Variants in GALNT18 observed in about 807,000 individuals in gnomAD.
GALNT18 encodes the protein polypeptide N-acetylgalactosaminyltransferase 18, also known as GalNAc-transferase 18.
In GALNT18, 44 loss-of-function variants were observed where a neutral mutation model predicts 69.5. That is an observed-to-expected ratio of 0.63 (90% CI 0.50 to 0.81). The LOEUF (loss-of-function observed/expected upper bound fraction) is 0.81, where lower values mean the gene tolerates loss of function less well. GALNT18 is among the 40% of genes least tolerant of loss of function. GALNT18 has a pLI of 0.00. For missense variants in GALNT18, 715 were observed against 810.0 expected (o/e 0.88, Z 1.42); for synonymous variants, 364 against 318.2 (o/e 1.14, Z -1.53).
chr11:11,308,408 G>A (rs1315587550), intron 9 of GALNT18, among the ~76,000 whole-genome samples: 1 of 152,032 alleles, frequency 6.6e-6, no homozygotes, highest in African/African-American at 2.4e-5. Flanking sequence ...CCCCTGATAT[G>A]CTCTGTGCTT....
chr11:11,558,561 T>G (rs1232265226), intron 1 of GALNT18, among the ~76,000 whole-genome samples: 4 of 152,236 alleles, frequency 2.6e-5, no homozygotes, highest in African/African-American at 9.6e-5. Context: ...GCTTCATGCT[T>G]GGAGTCAGGC....
rs567244142 is a variant in GALNT18, at chr11:11,356,857, C to T, written c.1092+15658G>A. The stretch of plus-strand genomic sequence containing the variant: ...TATGTACTTTTTAAATTGCTTTGTT[C>T]TGTAGGGATTAATTTTGCACTTATC... On this transcript the variant is annotated intron_variant, in intron 6 of 10. Coordinates refer to ENST00000227756, the MANE Select transcript of GALNT18 (RefSeq NM_198516.3). The surrounding 1 kb of genome is among the most constrained non-coding windows in gnomAD (Gnocchi z 4.4). Among the ~76,000 whole-genome samples, 2 of 152,268 alleles carry T rather than the reference C, an allele frequency of 1.3e-5. No homozygotes were observed. Among genetic ancestry groups the T allele is most frequent in the East Asian group, 3.9e-4 (2 of 5,178 alleles).
At position 11,301,741 on chromosome 11, in the gene GALNT18, A is replaced by G. The variant is rs141013723; in HGVS notation, c.1513-8548T>C. ...TGAGGAGTCGATCCCATTCAATTCA[A>G]CAAACACCCTCTTTGCCTCTCGGGT... is the stretch of plus-strand genomic sequence containing the variant. On this transcript the variant is annotated intron_variant, in intron 9 of 10. Transcript: ENST00000227756. Among the ~76,000 whole-genome samples the G allele has an allele frequency of 2.0e-5, 3 of 152,288 alleles. No individual in the cohort carries two copies. The East Asian group carries it at 5.8e-4, about 29-fold the overall frequency.
intron 9 of GALNT18, among the ~76,000 whole-genome samples, chr11:11,305,002 T>C (rs1406438674): frequency 6.6e-6 from 1 of 152,118 alleles, no homozygotes; most frequent in Non-Finnish European, 1.5e-5. Context: ...AGATGACTGA[T>C]AAAGAAACCG....
chr11:11,395,282 T>C (rs1418559659), intron 3 of GALNT18, among the ~76,000 whole-genome samples: 1 of 152,176 alleles, frequency 6.6e-6, no homozygotes, highest in South Asian at 2.1e-4. Flanking sequence ...GGTAATGAAG[T>C]GATCGTGTCC....
chr11:11,400,637 C>T (rs1854440596), intron 3 of GALNT18, among the ~76,000 whole-genome samples: 1 of 152,158 alleles, frequency 6.6e-6, no homozygotes, highest in Admixed American at 6.5e-5. Flanking sequence ...CTTCCTGGCT[C>T]ATCAACCACT....
Position 11,598,296 on chromosome 11 carries a change from A to C in GALNT18, c.235+23063T>G, listed in dbSNP as rs1859550211. 6.6e-6 allele frequency among the ~76,000 whole-genome samples: 1 copy of C among 152,232 alleles called. No homozygotes were observed. The highest frequency in any genetic ancestry group is 2.4e-5 in the African/African-American group (1 of 41,462). On this transcript the variant is annotated intron_variant, in intron 1 of 10. Transcript: ENST00000227756. The surrounding 1 kb of genome is among the most constrained non-coding windows in gnomAD (Gnocchi z 4.8). ...TTAAAACAACAGAAACTTATTCTCT[A>C]ACAATTCTGGAGGCCAGAAGTCCAA...
At position 11,404,751 on chromosome 11, in the gene GALNT18, C is replaced by A. The variant is rs4910341; in HGVS notation, c.596-25487G>T. On this transcript the variant is annotated intron_variant, in intron 3 of 10. Transcript: ENST00000227756. The surrounding 1 kb of genome is among the most constrained non-coding windows in gnomAD (Gnocchi z 4.5). ...TAACATCCTTTTGACCTCAACCTTCCTCCCGGCTCCAGCCCCGCACAGACC... is the reference window on the plus strand; with the variant it reads ...TAACATCCTTTTGACCTCAACCTTCATCCCGGCTCCAGCCCCGCACAGACC... 0.23 allele frequency among the ~76,000 whole-genome samples: 34,401 copies of A among 152,072 alleles called. 4,082 individuals are homozygous for A. Among genetic ancestry groups the A allele is most frequent in the East Asian group, 0.38 (1,975 of 5,154 alleles).
In GALNT18 at chr11:11,415,948, A is replaced by C. The variant is rs368045464; in HGVS notation, c.595+16673T>G. On this transcript the variant is annotated intron_variant, in intron 3 of 10. Coordinates refer to ENST00000227756, the MANE Select transcript of GALNT18 (RefSeq NM_198516.3). The surrounding 1 kb of genome is among the most constrained non-coding windows in gnomAD (Gnocchi z 4.1). ...ACTCACTCCAGAAAGATTAAACAGCAACCTTGAATGTTCTTTTCGGAGAAA... is the reference window on the plus strand; with the variant it reads ...ACTCACTCCAGAAAGATTAAACAGCCACCTTGAATGTTCTTTTCGGAGAAA... Among the ~76,000 whole-genome samples, 7 of 152,214 alleles carry C rather than the reference A, an allele frequency of 4.6e-5. No individual in the cohort carries two copies. The East Asian group carries it at 1.3e-3, about 29-fold the overall frequency.
intron 1 of GALNT18, among the ~76,000 whole-genome samples, chr11:11,561,180 C>A (rs7942965): frequency 6.6e-6 from 1 of 152,092 alleles, no homozygotes; most frequent in African/African-American, 2.4e-5. Context: ...TGCGAGGCGC[C>A]TTTTTCAGGG....
Position 11,404,005 on chromosome 11 carries a change from T to C in GALNT18, c.596-24741A>G, listed in dbSNP as rs1006734543. 3.3e-5 allele frequency among the ~76,000 whole-genome samples: 5 copies of C among 152,306 alleles called. No individual in the cohort carries two copies. The highest frequency in any genetic ancestry group is 9.6e-5 in the African/African-American group (4 of 41,560). On this transcript the variant is annotated intron_variant, in intron 3 of 10. Coordinates refer to ENST00000227756, the MANE Select transcript of GALNT18 (RefSeq NM_198516.3). This position sits in a 1 kb window ranked among gnomAD's most constrained non-coding sequence, Gnocchi z 4.5. ...CCTGGCCCCTATTCCAGAGGAGTCA[T>C]GTGCAGTGGGCAGGATCCAGGCAGC...
Position 11,327,103 on chromosome 11 carries a change from G to A in GALNT18, c.1495C>T (p.His499Tyr). 6.2e-7 allele frequency: 1 copy of A among 1,613,188 alleles called. No individual in the cohort carries two copies. Among genetic ancestry groups the A allele is most frequent in the Non-Finnish European group, 8.5e-7 (1 of 1,179,182 alleles). The change falls in exon 9 of 11, where the codon CAT becomes TAT. Residue 499 changes from histidine (H) to tyrosine (Y), a missense_variant. Transcript: ENST00000227756. The part of the protein sequence containing the change: ...TENVPIMYIC[H>Y]GMTPQNVYYT... ...GGACTCACCTGAGGCGTCATCCCAT[G>A]GCAGATGTACATGATGGGGACATTC...
chr11:11,280,443 G>A (rs1299190319), intron 10 of GALNT18, among the ~76,000 whole-genome samples: 2 of 152,060 alleles, frequency 1.3e-5, no homozygotes, highest in Admixed American at 1.3e-4. Flanking sequence ...CAAATATGCA[G>A]TCTTCCCCCA....
Position 11,606,568 on chromosome 11 carries a change from C to T in GALNT18, c.235+14791G>A, listed in dbSNP as rs1020944143. On this transcript the variant is annotated intron_variant, in intron 1 of 10. Transcript: ENST00000227756. This position sits in a 1 kb window ranked among gnomAD's most constrained non-coding sequence, Gnocchi z 5.4. ...TGAGAAGAAGCTCTGTTCCCAGATA[C>T]GGAGGCAGCATCACTAGGAGCTGTT... Among the ~76,000 whole-genome samples, 4 of 152,110 alleles carry T rather than the reference C, an allele frequency of 2.6e-5. No individual in the cohort carries two copies. Among genetic ancestry groups the T allele is most frequent in the South Asian group, 4.1e-4 (2 of 4,822 alleles).
intron 6 of GALNT18, among the ~76,000 whole-genome samples, chr11:11,369,038 T>G (rs3993153): frequency 0.31 from 47,231 of 152,150 alleles, 9,602 homozygotes; most frequent in African/African-American, 0.58. Flanking sequence ...TTATGGGAAG[T>G]AAGGCAAGCC....
intron 1 of GALNT18, among the ~76,000 whole-genome samples, chr11:11,536,592 A>T (rs1044582841): frequency 4.0e-5 from 6 of 151,158 alleles, no homozygotes; most frequent in African/African-American, 1.5e-4. Flanking sequence ...ACAGCTCTGT[A>T]GTCGATGAAA....
intron 3 of GALNT18, among the ~76,000 whole-genome samples, chr11:11,406,547 G>A (rs1324320175): frequency 6.6e-6 from 1 of 152,180 alleles, no homozygotes; most frequent in Non-Finnish European, 1.5e-5. Context: ...CGACATTTAT[G>A]TACTATTTCA....
chr11:11,328,467 A>C (rs1590040280), intron 8 of GALNT18, among the ~76,000 whole-genome samples: 1 of 152,180 alleles, frequency 6.6e-6, no homozygotes, highest in Non-Finnish European at 1.5e-5. Flanking sequence ...TTGTGGCAGG[A>C]GCAAAATGAA....
chr11:11,445,740 A>T (rs923118210), intron 2 of GALNT18, among the ~76,000 whole-genome samples: 2 of 152,188 alleles, frequency 1.3e-5, no homozygotes, highest in Non-Finnish European at 2.9e-5. Flanking sequence ...TCTGCCTTTT[A>T]TCAGAGATTC....
Sources: allele counts gnomAD v4.1 joint callset (sites outside exome capture counted in the v4.1 genomes callset), GRCh38; gene constraint gnomAD v4.1.1; non-coding constraint Gnocchi (gnomAD v3.1); transcripts MANE v1.5; gene names NCBI Gene and HGNC (gene_info 2026-07-23, HGNC 2026-07-21).